The following RADIL variants were observed in gnomAD, a reference collection of about 807,000 sequenced individuals.
RADIL encodes Rap associating with DIL domain.
In RADIL, 99 loss-of-function variants were observed where a neutral mutation model predicts 97.6. The observed-to-expected ratio is 1.01, with a 90% CI of 0.86 to 1.20. The LOEUF (loss-of-function observed/expected upper bound fraction) is 1.20. RADIL is among the 50% of genes most tolerant of loss of function. The pLI is 0.00. For missense variants in RADIL, 1,765 were observed against 1,498.9 expected (o/e 1.18, Z -2.93); for synonymous variants, 803 against 691.8 (o/e 1.16, Z -2.52).
At chr7:4,839,123 C>T (rs372809238) in intron 2 of RADIL, among the ~76,000 whole-genome samples, 5 of 152,228 alleles carry the variant, frequency 3.3e-5, no homozygotes, top group African/African-American at 7.2e-5. Flanking sequence ...ACAGGTAACA[C>T]GTGACGTGAT....
chr7:4,832,001 G>A (rs1297311360), intron 5 of RADIL, 140 bp downstream of exon 5: 2 of 849,318 alleles, frequency 2.4e-6, no homozygotes, highest in African/African-American at 1.7e-5. Context: ...AGCAAAAAAG[G>A]CCGCTGCTTG....
In RADIL at chr7:4,822,637, C is replaced by G; in HGVS notation, c.1455-83G>C. 6.8e-7 allele frequency: 1 copy of G among 1,474,468 alleles called. No individual in the cohort carries two copies. The highest frequency in any genetic ancestry group is 9.2e-7 in the Non-Finnish European group (1 of 1,092,678). The allele number at this position is 1,474,468 out of a possible 1,614,324, so 91.3% of individuals were successfully genotyped here. ...CTACCACTCTTTCTACATAAGGATG[C>G]GCGTTTTCATGGGACGCTGACAACA... On this transcript the variant is annotated intron_variant, in intron 5 of 14. Transcript: ENST00000399583. This position sits in a 1 kb window ranked among gnomAD's most constrained non-coding sequence, Gnocchi z 5.3.
At chr7:4,825,226 C>T (rs528698930) in intron 5 of RADIL, among the ~76,000 whole-genome samples, 1 of 152,268 alleles carries the variant, frequency 6.6e-6, no homozygotes, top group African/African-American at 2.4e-5. Flanking sequence ...TCAGCAGGGG[C>T]AGCACGGCCC....
intron 4 of RADIL, among the ~76,000 whole-genome samples, chr7:4,833,336 C>T (rs1356220241): frequency 6.6e-6 from 1 of 152,192 alleles, no homozygotes; most frequent in Non-Finnish European, 1.5e-5. Context: ...GTGCGAAAAC[C>T]CATGACTTCT....
chr7:4,831,432 A>T (rs983831314), intron 5 of RADIL, among the ~76,000 whole-genome samples: 1 of 152,116 alleles, frequency 6.6e-6, no homozygotes, highest in Non-Finnish European at 1.5e-5. Flanking sequence ...ATGAATGGGT[A>T]CAAGGCTTAA....
rs1426884641 is a variant in RADIL, at chr7:4,846,091, A to G, written c.536-9486T>C. Among the ~76,000 whole-genome samples, 7 of 141,110 alleles carry G rather than the reference A, an allele frequency of 5.0e-5. No homozygotes were observed. The East Asian group carries it at 1.3e-3, about 26-fold the overall frequency. 92.6% of individuals were successfully genotyped at this position (141,110 alleles called of 152,430 possible). On this transcript the variant is annotated intron_variant, in intron 2 of 14. Coordinates refer to ENST00000399583, the MANE Select transcript of RADIL (RefSeq NM_018059.5). ...TGTTTCATCTCAGGCACCACTGCTT[A>G]TTTGTCTCTTTTGTTCCAGAGCTAC...
rs1410391131 is a variant in RADIL, at chr7:4,835,100, C to T, written c.923G>A (p.Ser308Asn). The T allele has an allele frequency of 1.2e-6, 2 of 1,608,730 alleles. No individual in the cohort carries two copies. The highest frequency in any genetic ancestry group is 2.2e-5 in the South Asian group (2 of 90,500). The change falls in exon 4 of 15, where the codon AGC becomes AAC. Residue 308 changes from serine (S) to asparagine (N), a missense_variant. By Grantham distance (46) the Ser-to-Asn change is conservative. Transcript: ENST00000399583. This position sits in a 1 kb window ranked among gnomAD's most constrained non-coding sequence, Gnocchi z 5.8. ...GACCAGCCTCCCCGCGGCCTGGCCG[C>T]TGTCCGGGAGCGGTTGCCGGCGGAT... ...CTIRRQPLPD[S>N]GQAAGRLVLE...
At chr7:4,827,728 C>T (rs1462594652) in intron 5 of RADIL, among the ~76,000 whole-genome samples, 3 of 152,132 alleles carry the variant, frequency 2.0e-5, no homozygotes, top group Admixed American at 1.3e-4. Context: ...AGGGATTCGG[C>T]CAACACGGGT....
chr7:4,838,133 A>C (rs1352183156), intron 2 of RADIL: 2 of 883,912 alleles, frequency 2.3e-6, no homozygotes, highest in Non-Finnish European at 2.7e-6. Context: ...GCTGCTCACC[A>C]CCCGTGCTCC....
At position 4,814,679 on chromosome 7, in the gene RADIL, C is replaced by T. The variant is rs796204903; in HGVS notation, c.2139+599G>A. Among the ~76,000 whole-genome samples, 22 of 152,340 alleles carry T rather than the reference C, an allele frequency of 1.4e-4. No individual in the cohort carries two copies. Among genetic ancestry groups the T allele is most frequent in the African/African-American group, 5.1e-4 (21 of 41,576 alleles). ...ACGGCCACACAGTGCACTCTCACAGCTCCGCGGCTCCACAGCTCAGCCGGG... is the reference window on the plus strand; with the variant it reads ...ACGGCCACACAGTGCACTCTCACAGTTCCGCGGCTCCACAGCTCAGCCGGG... On this transcript the variant is annotated intron_variant, in intron 9 of 14. Transcript: ENST00000399583. This position sits in a 1 kb window ranked among gnomAD's most constrained non-coding sequence, Gnocchi z 4.5.
Position 4,819,677 on chromosome 7 carries a change from C to A in RADIL, c.1616-2326G>T, listed in dbSNP as rs1426688878. Among the ~76,000 whole-genome samples the A allele has an allele frequency of 6.6e-6, 1 of 152,160 alleles. No individual in the cohort carries two copies. Among genetic ancestry groups the A allele is most frequent in the African/African-American group, 2.4e-5 (1 of 41,434 alleles). Reference sequence around the variant, plus strand: ...ACAGCCACGTGACCCACCCTCGGGACGCGACAGCCCTGCTCTCCGAATTCT... The same window carrying A: ...ACAGCCACGTGACCCACCCTCGGGAAGCGACAGCCCTGCTCTCCGAATTCT... On this transcript the variant is annotated intron_variant, in intron 6 of 14. Transcript: ENST00000399583. The surrounding 1 kb of genome is among the most constrained non-coding windows in gnomAD (Gnocchi z 5.8).
intron 2 of RADIL, among the ~76,000 whole-genome samples, chr7:4,839,365 G>A (rs560707828): frequency 5.9e-5 from 9 of 151,870 alleles, no homozygotes; most frequent in South Asian, 4.2e-4. Flanking sequence ...TATAATTTCC[G>A]TTTTTTTTAA....
At position 4,817,689 on chromosome 7, in the gene RADIL, T is replaced by C. The variant is rs1376526355; in HGVS notation, c.1616-338A>G. Reference sequence around the variant, plus strand: ...AACCAACTGCACCCAACATAGCAGGTCCTAACTGCCTCCCCACAGGTCACC... The same window carrying C: ...AACCAACTGCACCCAACATAGCAGGCCCTAACTGCCTCCCCACAGGTCACC... On this transcript the variant is annotated intron_variant, in intron 6 of 14. Coordinates refer to ENST00000399583, the MANE Select transcript of RADIL (RefSeq NM_018059.5). This position sits in a 1 kb window ranked among gnomAD's most constrained non-coding sequence, Gnocchi z 8.3. Among the ~76,000 whole-genome samples the C allele has an allele frequency of 6.6e-6, 1 of 152,118 alleles. No homozygotes were observed. Among genetic ancestry groups the C allele is most frequent in the Non-Finnish European group, 1.5e-5 (1 of 68,008 alleles).
At position 4,842,811 on chromosome 7, in the gene RADIL, C is replaced by T. The variant is rs77342030; in HGVS notation, c.536-6206G>A. Reference sequence around the variant, plus strand: ...AGACGGAGGGGATAATGAAACGTTCCTGGGCTGGGGAACTTTACCACTACT... The same window carrying T: ...AGACGGAGGGGATAATGAAACGTTCTTGGGCTGGGGAACTTTACCACTACT... On this transcript the variant is annotated intron_variant, in intron 2 of 14. Coordinates refer to ENST00000399583, the MANE Select transcript of RADIL (RefSeq NM_018059.5). The surrounding 1 kb of genome is among the most constrained non-coding windows in gnomAD (Gnocchi z 4.5). Among the ~76,000 whole-genome samples the T allele has an allele frequency of 0.059, 8,897 of 152,030 alleles. 313 individuals carry two copies. The highest frequency in any genetic ancestry group is 0.083 in the Non-Finnish European group (5,649 of 67,972).
chr7:4,799,496 C>G lies in RADIL; in HGVS notation c.3123-13G>C, dbSNP rs367785699. On this transcript the variant is annotated splice_polypyrimidine_tract_variant and intron_variant, in intron 14 of 14. Coordinates refer to ENST00000399583, the MANE Select transcript of RADIL (RefSeq NM_018059.5). ...CAGGTCCACAGCTCTGAAATCCATG[C>G]CAGAGGTGGGGGTGGGCAGGAGGGC... 1 of 1,613,782 alleles carries G rather than the reference C, an allele frequency of 6.2e-7. No individual in the cohort carries two copies. Among genetic ancestry groups the G allele is most frequent in the African/African-American group, 1.3e-5 (1 of 75,058 alleles).
Position 4,821,647 on chromosome 7 carries a change from G to C in RADIL, c.1615+747C>G, listed in dbSNP as rs1369771951. On this transcript the variant is annotated intron_variant, in intron 6 of 14. Transcript: ENST00000399583. This position sits in a 1 kb window ranked among gnomAD's most constrained non-coding sequence, Gnocchi z 5.2. ...TGGGAGGCTGAGGTGGGGCGGATCA[G>C]GAGTTTGAGACCAGCCTGGCAAACA... Among the ~76,000 whole-genome samples, 1 of 152,106 alleles carries C rather than the reference G, an allele frequency of 6.6e-6. No individual in the cohort carries two copies. Among genetic ancestry groups the C allele is most frequent in the African/African-American group, 2.4e-5 (1 of 41,420 alleles).
At chr7:4,866,150 G>A (rs1250842257) in intron 2 of RADIL, among the ~76,000 whole-genome samples, 1 of 152,160 alleles carries the variant, frequency 6.6e-6, no homozygotes, top group African/African-American at 2.4e-5. Flanking sequence ...GCGTGTGCAT[G>A]TATGTGTGTT....
intron 2 of RADIL, among the ~76,000 whole-genome samples, chr7:4,875,781 G>T (rs1004424840): frequency 6.6e-6 from 1 of 152,152 alleles, no homozygotes; most frequent in African/African-American, 2.4e-5. Context: ...CTCACAGGAG[G>T]TCTTTTTGAA....
chr7:4,845,302 CA>C (rs1283169916), intron 2 of RADIL, among the ~76,000 whole-genome samples: 2 of 152,130 alleles, frequency 1.3e-5, no homozygotes, highest in African/African-American at 4.8e-5. Context: ...GTCTTAGTCC[CA>C]GCTACTCAGG....
Sources: gnomAD v4.1 joint callset for allele counts (sites outside exome capture counted in the v4.1 genomes callset) on GRCh38, gnomAD v4.1.1 for gene constraint, Gnocchi (gnomAD v3.1) non-coding constraint, MANE v1.5 for transcripts, NCBI Gene and HGNC (gene_info 2026-07-23, HGNC 2026-07-21) for gene names.